The following PRR5 variants were observed in gnomAD, a reference collection of about 807,000 sequenced individuals.
The protein encoded by PRR5 is proline rich 5, also known as proline-rich protein 5.
Under a neutral mutation model 30.6 loss-of-function variants are expected in PRR5, and 25 were observed. The ratio of observed to expected loss-of-function variants is 0.82; its 90% CI spans 0.60 to 1.14. PRR5 has a LOEUF of 1.14. Ranked by LOEUF, PRR5 falls within the 50% of genes most tolerant of loss-of-function variation. The probability of loss-of-function intolerance (pLI) is 0.00; values close to 1 mark genes in which losing one functional copy is unlikely to be tolerated. For synonymous variants in PRR5, 286 were observed against 247.1 expected (o/e 1.16, Z -1.48); for missense variants, 600 against 547.1 (o/e 1.10, Z -0.96).
Position 44,737,521 on chromosome 22 carries a change from G to A in PRR5, c.*274G>A, listed in dbSNP as rs1053911752. The A allele has an allele frequency of 5.7e-6, 3 of 526,082 alleles. No individual in the cohort carries two copies. The highest frequency in any genetic ancestry group is 9.6e-6 in the Non-Finnish European group (3 of 313,730). The allele number at this position is 526,082 out of a possible 1,614,324, so 32.6% of individuals were successfully genotyped here. ...GGCCGCTCGCTCCCACGCTCCTCCT[G>A]CCCCAGCCCTCTGGTGTCCACACCT... is the stretch of plus-strand genomic sequence containing the variant. On this transcript the variant is annotated 3_prime_UTR_variant, in exon 8 of 8. Coordinates refer to ENST00000336985, the MANE Select transcript of PRR5 (RefSeq NM_181333.4).
At chr22:44,713,738 A>G (rs1928610298) in intron 1 of PRR5, among the ~76,000 whole-genome samples, 1 of 152,146 alleles carries the variant, frequency 6.6e-6, no homozygotes, top group Non-Finnish European at 1.5e-5. Context: ...AGGAAGCCTA[A>G]AAGATTTGCT....
intron 1 of PRR5, among the ~76,000 whole-genome samples, chr22:44,685,406 C>T (rs1924654244): frequency 1.3e-5 from 2 of 152,244 alleles, no homozygotes; most frequent in Non-Finnish European, 2.9e-5. Context: ...GGAATAGAGC[C>T]ATGTGTATTT....
upstream of PRR5, among the ~76,000 whole-genome samples, chr22:44,701,452 GTAGTTCATGT>G (rs1926277339): frequency 6.6e-6 from 1 of 152,264 alleles, no homozygotes; most frequent in African/African-American, 2.4e-5. Context: ...CCTCACGGAA[GTAGTTCATGT>G]TAGTTCATGT....
chr22:44,671,094 G>A (rs1314332273), intron 1 of PRR5, among the ~76,000 whole-genome samples: 1 of 152,212 alleles, frequency 6.6e-6, no homozygotes, highest in African/African-American at 2.4e-5. Context: ...TACTGATGCT[G>A]TGTGAATGTG....
At chr22:44,735,984 T>C (rs575730304) in intron 7 of PRR5, among the ~76,000 whole-genome samples, 1 of 152,232 alleles carries the variant, frequency 6.6e-6, no homozygotes, top group East Asian at 1.9e-4. Flanking sequence ...CATCCTCTGG[T>C]CTGGGAAAGG....
Position 44,679,964 on chromosome 22 carries a change from G to C in PRR5, c.-11+2724G>C, listed in dbSNP as rs1924123597. 3 of 1,373,910 alleles carry C rather than the reference G, an allele frequency of 2.2e-6. No individual in the cohort carries two copies. The South Asian group carries it at 3.9e-5, about 18-fold the overall frequency. 85.1% of individuals were successfully genotyped at this position (1,373,910 alleles called of 1,614,324 possible). On this transcript the variant is annotated intron_variant, in intron 1 of 8. Coordinates refer to the PRR5 transcript ENST00000006251. ...GAGTGCAGTGTGGCTGGAGGCTTAGGGAAAGGTGAGTAGGACGGCGAGAGA... is the reference window on the plus strand; with the variant it reads ...GAGTGCAGTGTGGCTGGAGGCTTAGCGAAAGGTGAGTAGGACGGCGAGAGA...
At chr22:44,722,137 C>G (rs1930032320) in intron 2 of PRR5, among the ~76,000 whole-genome samples, 1 of 152,210 alleles carries the variant, frequency 6.6e-6, no homozygotes, top group Non-Finnish European at 1.5e-5. Flanking sequence ...GTTAATGCCA[C>G]TGCGCTGATT....
chr22:44,688,100 C>G (rs1569069022), intron 1 of PRR5, among the ~76,000 whole-genome samples: 1 of 147,924 alleles, frequency 6.8e-6, no homozygotes, highest in Non-Finnish European at 1.5e-5. Flanking sequence ...AAACATTTTC[C>G]TAGCCGGGTG....
intron 1 of PRR5, chr22:44,679,980 C>T (rs1924126114): frequency 1.2e-5 from 14 of 1,162,332 alleles, no homozygotes; most frequent in Admixed American, 4.6e-5. Flanking sequence ...GTGAGTAGGA[C>T]GGCGAGAGAC....
At position 44,714,495 on chromosome 22, in the gene PRR5, C is replaced by A. The variant is rs904442244; in HGVS notation, c.135-96C>A. On this transcript the variant is annotated intron_variant, in intron 1 of 7. Transcript: ENST00000336985. ...GGTCCTGCAGGGATGGCTATCCTGC[C>A]CTTCTAGGAGAGAGGGAAAGAGGAA... 4 of 1,519,704 alleles carry A rather than the reference C, an allele frequency of 2.6e-6. No homozygotes were observed. In the African/African-American group the frequency reaches 5.5e-5, roughly 21 times the overall value. The allele number at this position is 1,519,704 out of a possible 1,614,324, so 94.1% of individuals were successfully genotyped here.
chr22:44,699,959 A>T (rs1926108328), upstream of PRR5, among the ~76,000 whole-genome samples: 1 of 151,566 alleles, frequency 6.6e-6, no homozygotes, highest in Non-Finnish European at 1.5e-5. Context: ...GCAGTAAGGT[A>T]GGAAATCCTT....
At chr22:44,721,668 A>G (rs1034105551) in intron 2 of PRR5, among the ~76,000 whole-genome samples, 12 of 152,232 alleles carry the variant, frequency 7.9e-5, no homozygotes, top group Middle Eastern at 6.8e-3. Context: ...TTGGCCTTAG[A>G]TTCCCTGCCT....
chr22:44,692,830 G>A (rs538689972), intron 1 of PRR5, among the ~76,000 whole-genome samples: 110 of 152,322 alleles, frequency 7.2e-4, no homozygotes, highest in Non-Finnish European at 1.1e-3. Context: ...CTGGCAGGGC[G>A]GCTGCAAACA....
At position 44,703,674 on chromosome 22, in the gene PRR5, G is replaced by T. The variant is rs571574929; in HGVS notation, c.134+1066G>T. On this transcript the variant is annotated intron_variant, in intron 1 of 7. Coordinates refer to ENST00000336985, the MANE Select transcript of PRR5 (RefSeq NM_181333.4). Reference sequence around the variant, plus strand: ...GCTGGTGTGGGAACAGTGAAGGAAGGACTCCTGTTGGGAAATCTCCCTGAC... The same window carrying T: ...GCTGGTGTGGGAACAGTGAAGGAAGTACTCCTGTTGGGAAATCTCCCTGAC... 1.7e-3 allele frequency among the ~76,000 whole-genome samples: 261 copies of T among 152,278 alleles called. 2 individuals carry two copies. Among genetic ancestry groups the T allele is most frequent in the African/African-American group, 6.0e-3 (248 of 41,568 alleles).
chr22:44,698,679 G>A (rs958202599), upstream of PRR5, among the ~76,000 whole-genome samples: 2 of 152,198 alleles, frequency 1.3e-5, no homozygotes, highest in Non-Finnish European at 2.9e-5. Flanking sequence ...TGGGGCTCAG[G>A]CCCAGCAAGA....
rs1429646449 is a variant in PRR5, at chr22:44,702,514, AGCCT to A, written c.41_44del (p.Ser14ThrfsTer36). The A allele has an allele frequency of 6.8e-7, 1 of 1,470,780 alleles. No homozygotes were observed. Among genetic ancestry groups the A allele is most frequent in the Non-Finnish European group, 9.0e-7 (1 of 1,109,324 alleles). The allele number at this position is 1,470,780 out of a possible 1,614,324, so 91.1% of individuals were successfully genotyped here. A position where few individuals can be genotyped will look rare whatever the true frequency, so the allele number is the denominator to read the frequency against. ...CAGGTTGAAGTTCATGAGTTCGCCCAGCCTCAGTGACCTGGGCAAGAGAGAGCCG... is the reference window on the plus strand; with the variant it reads ...CAGGTTGAAGTTCATGAGTTCGCCCACAGTGACCTGGGCAAGAGAGAGCCG... On this transcript the variant is annotated frameshift_variant, in exon 1 of 8. Transcript: ENST00000336985. LOFTEE classifies it high-confidence loss of function.
At chr22:44,721,643 G>C (rs1381427108) in intron 2 of PRR5, among the ~76,000 whole-genome samples, 4 of 152,182 alleles carry the variant, frequency 2.6e-5, no homozygotes, top group Non-Finnish European at 5.9e-5. Context: ...TTTAGTTCTA[G>C]GAAGTCAGTG....
chr22:44,717,641 C>T (rs1399592141), intron 2 of PRR5, among the ~76,000 whole-genome samples: 1 of 151,958 alleles, frequency 6.6e-6, no homozygotes. Flanking sequence ...AGCAGGTAGC[C>T]CTTCACGCCT....
chr22:44,715,058 C>T (rs530464992), intron 2 of PRR5, among the ~76,000 whole-genome samples: 4 of 152,342 alleles, frequency 2.6e-5, no homozygotes, highest in Admixed American at 1.3e-4. Flanking sequence ...ACCTGCCTAA[C>T]GACGGGAGTG....
Sources: allele counts gnomAD v4.1 joint callset (sites outside exome capture counted in the v4.1 genomes callset), GRCh38; gene constraint gnomAD v4.1.1; transcripts MANE v1.5; gene names NCBI Gene and HGNC (gene_info 2026-07-23, HGNC 2026-07-21).